Variants in ESYT1 observed in about 807,000 individuals in gnomAD.
ESYT1 encodes extended synaptotagmin-1.
In ESYT1, 116 loss-of-function variants were observed where a neutral mutation model predicts 154.2. The observed-to-expected ratio is 0.75, with a 90% CI of 0.65 to 0.88. The LOEUF is 0.88. Ranked by LOEUF, ESYT1 falls within the 40% of genes least tolerant of loss-of-function variation. ESYT1 has a pLI of 0.00. For missense variants in ESYT1, 1,264 were observed against 1,379.3 expected, an observed-to-expected ratio of 0.92 and a Z score of 1.32; for synonymous variants, 500 against 539.9, an observed-to-expected ratio of 0.93 and a Z score of 1.02.
intron 24 of ESYT1, among the ~76,000 whole-genome samples, chr12:56,141,487 TC>T (rs1728369414): frequency 1.3e-5 from 2 of 152,366 alleles, no homozygotes; most frequent in South Asian, 4.1e-4. Context: ...ACGCCTGTAA[TC>T]CCAGCACTTT....
intron 15 of ESYT1, among the ~76,000 whole-genome samples, chr12:56,136,466 C>T (rs1870457510): frequency 6.6e-6 from 1 of 151,902 alleles, no homozygotes; most frequent in Admixed American, 6.6e-5. Context: ...CGGCATGCGC[C>T]TGTAGTCCCA....
At chr12:56,133,331 G>A in intron 10 of ESYT1, 86 bp from the exon 11 acceptor site, 1 of 1,413,650 alleles carries the variant, frequency 7.1e-7, no homozygotes, top group East Asian at 2.3e-5. Flanking sequence ...ATTTCTGGGT[G>A]GGTGAGTGGA....
rs61583514 is a variant in ESYT1 at position 56,138,892 on chromosome 12, A to G, written c.2506-35A>G. 4.2e-4 allele frequency: 670 copies of G among 1,611,852 alleles called. 7 individuals carry two copies. The African/African-American group carries it at 7.2e-3, about 17-fold the overall frequency. On this transcript the variant is annotated intron_variant, in intron 23 of 30. Transcript: ENST00000394048. ...TGGGAGGGATAAGAGAAATAAGAGT[A>G]TCAGCTACTGATCATAAGCCCTCAT...
In ESYT1 at chr12:56,134,399, G is replaced by A. The variant is rs750910208; in HGVS notation, c.1603G>A (p.Asp535Asn). 2 of 1,613,976 alleles carry A rather than the reference G, an allele frequency of 1.2e-6. No individual in the cohort carries two copies. The highest frequency in any genetic ancestry group is 1.7e-6 in the Non-Finnish European group (2 of 1,180,036). Residue 535 changes from aspartate to asparagine, a missense_variant, in exon 15 of 31, where the codon GAC becomes AAC. Physicochemically the swap from Asp to Asn is conservative, Grantham distance 23. Coordinates refer to ENST00000394048, the MANE Select transcript of ESYT1 (RefSeq NM_015292.3). ...WEEAFRFFLQ[D>N]PQSQELDVQV... ...GGAAGCGTTCCGGTTCTTCCTACAA[G>A]ACCCTCAAAGCCAGGAGCTCGATGT...
At chr12:56,143,794 A>G in intron 30 of ESYT1, 29 bp from the exon 31 acceptor site, 1 of 1,614,124 alleles carries the variant, frequency 6.2e-7, no homozygotes, top group Non-Finnish European at 8.5e-7. Flanking sequence ...CACAAGAGTC[A>G]TCTTTCTACA....
At chr12:56,141,584 C>T (rs1248180953) in intron 24 of ESYT1, among the ~76,000 whole-genome samples, 1 of 152,014 alleles carries the variant, frequency 6.6e-6, no homozygotes, top group Non-Finnish European at 1.5e-5. Flanking sequence ...ATTAAAAATA[C>T]AAAAAATTAG....
At chr12:56,136,254 C>T (rs182349120) in intron 15 of ESYT1, among the ~76,000 whole-genome samples, 28 of 151,556 alleles carry the variant, frequency 1.8e-4, no homozygotes, top group Non-Finnish European at 3.2e-4. Context: ...TTAAATAGGC[C>T]GAGGGAAGAG....
intron 24 of ESYT1, among the ~76,000 whole-genome samples, chr12:56,141,815 C>CT (rs1429006285): frequency 6.6e-6 from 1 of 151,900 alleles, no homozygotes; most frequent in Non-Finnish European, 1.5e-5. Flanking sequence ...AAAGGAAGGA[C>CT]AGGCCAGACA....
intron 1 of ESYT1, 130 bp from the exon 2 acceptor site, chr12:56,130,452 C>T: frequency 9.0e-7 from 1 of 1,111,360 alleles, no homozygotes; most frequent in Non-Finnish European, 1.4e-6. Flanking sequence ...GCATCCTCGC[C>T]CCTCGCCCAC....
intron 4 of ESYT1, 44 bp downstream of exon 4, chr12:56,131,157 C>G (rs1384034046): frequency 6.2e-7 from 1 of 1,613,006 alleles, no homozygotes; most frequent in African/African-American, 1.3e-5. Context: ...TCAATGTGTC[C>G]TGTTCAGTCC....
In ESYT1 at chr12:56,137,483, C is replaced by A. The variant is rs201730784; in HGVS notation, c.1939-16C>A. The stretch of plus-strand genomic sequence containing the variant: ...CTCTCCCTTTGCCATCTGGCACCCC[C>A]CCGTCCCTTTTGCAGCATGTGCTTC... On this transcript the variant is annotated splice_polypyrimidine_tract_variant and intron_variant, in intron 17 of 30. Transcript: ENST00000394048. The A allele has an allele frequency of 8.1e-6, 13 of 1,609,972 alleles. No individual in the cohort carries two copies. The highest frequency in any genetic ancestry group is 1.7e-5 in the Admixed American group (1 of 59,850).
chr12:56,128,674 A>C lies in ESYT1; in HGVS notation c.355A>C (p.Thr119Pro). 1 of 1,613,150 alleles carries C rather than the reference A, an allele frequency of 6.2e-7. No individual in the cohort carries two copies. The highest frequency in any genetic ancestry group is 8.5e-7 in the Non-Finnish European group (1 of 1,179,742). The change falls in exon 1 of 31, where the codon ACT becomes CCT. Residue 119 changes from threonine to proline, a missense_variant. Coordinates refer to ENST00000394048, the MANE Select transcript of ESYT1 (RefSeq NM_015292.3). ...LDDEEQLTAK[T>P]LYMSHRELPA... ...CGACGAGGAGCAGCTCACTGCGAAAACTCTCTATATGAGTCATCGAGAGCT... is the reference window on the plus strand; with the variant it reads ...CGACGAGGAGCAGCTCACTGCGAAACCTCTCTATATGAGTCATCGAGAGCT...
At chr12:56,134,561 A>G (rs918904213) in intron 15 of ESYT1, 133 bp downstream of exon 15, 2 of 743,476 alleles carry the variant, frequency 2.7e-6, no homozygotes, top group Non-Finnish European at 4.8e-6. Flanking sequence ...ACCTCCCTGA[A>G]TATCTCTCCA....
intron 6 of ESYT1, 38 bp downstream of exon 6, chr12:56,131,604 G>A: frequency 6.2e-7 from 1 of 1,610,798 alleles, no homozygotes; most frequent in South Asian, 1.1e-5. Context: ...GGAAGCAGGA[G>A]AAACAGAGGA....
intron 8 of ESYT1, 21 bp downstream of exon 8, chr12:56,132,353 G>C (rs968162347): frequency 1.2e-6 from 2 of 1,613,960 alleles, no homozygotes; most frequent in Non-Finnish European, 8.5e-7. Flanking sequence ...TCCCCCACTA[G>C]ATAGATCCTT....
At chr12:56,141,005 T>C (rs1366928578) in intron 24 of ESYT1, among the ~76,000 whole-genome samples, 1 of 152,150 alleles carries the variant, frequency 6.6e-6, no homozygotes, top group Admixed American at 6.5e-5. Context: ...AGAGAAGACA[T>C]GCAGAAAACA....
chr12:56,138,715 G>T, intron 22 of ESYT1, 53 bp from the exon 23 acceptor site: 1 of 1,529,180 alleles, frequency 6.5e-7, no homozygotes, highest in South Asian at 1.1e-5. Context: ...TTTGTGAGGG[G>T]GATCTGCCTA....
chr12:56,132,902 C>T (rs574853388), intron 10 of ESYT1, 101 bp downstream of exon 10: 52 of 966,738 alleles, frequency 5.4e-5, no homozygotes, highest in East Asian at 1.3e-4. Context: ...GGGCGGATCA[C>T]GAGGTCAGGA....
Position 56,142,178 on chromosome 12 carries a change from A to G in ESYT1, c.2593-107A>G. 10 of 1,339,114 alleles carry G rather than the reference A, an allele frequency of 7.5e-6. No individual in the cohort carries two copies. In the South Asian group the frequency reaches 1.1e-4, roughly 15 times the overall value. The allele number at this position is 1,339,114 out of a possible 1,614,324, so 83.0% of individuals were successfully genotyped here. On this transcript the variant is annotated intron_variant, in intron 24 of 30. Coordinates refer to ENST00000394048, the MANE Select transcript of ESYT1 (RefSeq NM_015292.3). The surrounding 1 kb of genome is among the most constrained non-coding windows in gnomAD (Gnocchi z 4.1). ...GCTTCCCTGCCTTTCTCAAAGGGAA[A>G]TCTCACCAAACCACCTATGAGTCCA...
Sources: allele counts gnomAD v4.1 joint callset (sites outside exome capture counted in the v4.1 genomes callset), GRCh38; gene constraint gnomAD v4.1.1; non-coding constraint Gnocchi (gnomAD v3.1); transcripts MANE v1.5; gene names NCBI Gene and HGNC (gene_info 2026-07-23, HGNC 2026-07-21).